SCAMP5: variants seen among roughly 807,000 people sequenced by gnomAD.
SCAMP5 encodes the protein secretory carrier membrane protein 5, also known as secretory carrier-associated membrane protein 5.
Under a neutral mutation model 28.3 loss-of-function variants are expected in SCAMP5, and 7 were observed. The observed-to-expected ratio is 0.25, with a 90% confidence interval of 0.14 to 0.46. The LOEUF is 0.46. Ranked by LOEUF, SCAMP5 falls within the 20% of genes least tolerant of loss-of-function variation. The probability of loss-of-function intolerance (pLI) is 0.99; values close to 1 mark genes in which losing one functional copy is unlikely to be tolerated. For synonymous variants in SCAMP5, 117 were observed against 116.4 expected (o/e 1.00, Z -0.03); for missense variants, 192 against 312.5 (o/e 0.61, Z 2.91).
chr15:75,011,529 C>T (rs2065811640), intron 1 of SCAMP5: 1 of 279,818 alleles, frequency 3.6e-6, no homozygotes, highest in African/African-American at 2.1e-5. Flanking sequence ...GGATCCCCTC[C>T]CAGGTTCCTT....
chr15:75,008,292 C>T (rs1043431932), intron 1 of SCAMP5, among the ~76,000 whole-genome samples: 2 of 151,896 alleles, frequency 1.3e-5, no homozygotes, highest in Non-Finnish European at 2.9e-5. Context: ...GTAGCCCTTC[C>T]GTTATGTAGG....
At chr15:75,006,442 C>T (rs2065760275) in intron 1 of SCAMP5, among the ~76,000 whole-genome samples, 1 of 148,662 alleles carries the variant, frequency 6.7e-6, no homozygotes. Context: ...GGCTTGAGGC[C>T]AGGAGTTCAA....
chr15:75,014,246 C>T (rs2065840180), intron 3 of SCAMP5, among the ~76,000 whole-genome samples: 1 of 152,082 alleles, frequency 6.6e-6, no homozygotes, highest in African/African-American at 2.4e-5. Flanking sequence ...GGCAGACAGA[C>T]TCAGTTTCAA....
intron 2 of SCAMP5, among the ~76,000 whole-genome samples, chr15:75,012,047 T>C (rs979864994): frequency 9.2e-5 from 14 of 152,246 alleles, no homozygotes; most frequent in African/African-American, 3.4e-4. Flanking sequence ...GTCAGATCTT[T>C]GGTCCTATGG....
In SCAMP5 at chr15:75,019,326, T is replaced by G; in HGVS notation, c.*343T>G. 1 of 161,430 alleles carries G rather than the reference T, an allele frequency of 6.2e-6. No homozygotes were observed. The highest frequency in any genetic ancestry group is 1.3e-5 in the Non-Finnish European group (1 of 74,308). The allele number at this position is 161,430 out of a possible 1,614,324, so 10.0% of individuals were successfully genotyped here. On this transcript the variant is annotated 3_prime_UTR_variant, in exon 7 of 7. Transcript: ENST00000425597. Reference sequence around the variant, plus strand: ...CCAGCCCCCACCCCCACCCTCCACCTGCCCCTCTTGCCTCTGGCCCCTCTG... The same window carrying G: ...CCAGCCCCCACCCCCACCCTCCACCGGCCCCTCTTGCCTCTGGCCCCTCTG...
At chr15:75,011,173 T>C (rs1487691524) in intron 1 of SCAMP5, among the ~76,000 whole-genome samples, 1 of 152,058 alleles carries the variant, frequency 6.6e-6, no homozygotes, top group Non-Finnish European at 1.5e-5. Context: ...ACCACTGCAC[T>C]CCAGCCTGGG....
intron 1 of SCAMP5, among the ~76,000 whole-genome samples, chr15:75,006,811 G>A (rs1175837830): frequency 9.9e-5 from 15 of 151,300 alleles, no homozygotes; most frequent in Non-Finnish European, 2.2e-4. Context: ...GTGTGGTGGC[G>A]GGTGCCTGTA....
At position 75,018,335 on chromosome 15, in the gene SCAMP5, A is replaced by T. The variant is rs927973481; in HGVS notation, c.396-83A>T. ...CAGTGATATGTTTCCTCCCTGTGGC[A>T]ATGAGACGGTCCCTTCCTCTAGCGG... On this transcript the variant is annotated intron_variant, in intron 5 of 6. Transcript: ENST00000425597. This position sits in a 1 kb window ranked among gnomAD's most constrained non-coding sequence, Gnocchi z 5.6. 4.5e-5 allele frequency: 38 copies of T among 839,736 alleles called. No individual in the cohort carries two copies. Among genetic ancestry groups the T allele is most frequent in the Non-Finnish European group, 6.7e-5 (32 of 475,562 alleles). The allele number at this position is 839,736 out of a possible 1,614,324, so 52.0% of individuals were successfully genotyped here.
chr15:75,009,907 A>T (rs1014170205), intron 1 of SCAMP5: 1 of 152,256 alleles, frequency 6.6e-6, no homozygotes, highest in Admixed American at 6.5e-5. Context: ...GACCAAGAAC[A>T]GATGCCGGGC....
chr15:75,012,943 C>A, intron 3 of SCAMP5, 138 bp downstream of exon 3: 1 of 787,868 alleles, frequency 1.3e-6, no homozygotes, highest in Non-Finnish European at 2.0e-6. Flanking sequence ...GACCATAAGT[C>A]TTCCCCTGCC....
At chr15:75,003,894 A>G (rs1208587255) in intron 1 of SCAMP5, among the ~76,000 whole-genome samples, 1 of 151,638 alleles carries the variant, frequency 6.6e-6, no homozygotes, top group African/African-American at 2.4e-5. Context: ...CATTTGCTTT[A>G]TCTTTTATTT....
intron 1 of SCAMP5, among the ~76,000 whole-genome samples, chr15:75,004,732 CAAA>C (rs879434866): frequency 2.4e-5 from 3 of 122,480 alleles, no homozygotes; most frequent in Non-Finnish European, 1.7e-5. Flanking sequence ...GACCCTGTCT[CAAA>C]AAAAAAAAAA....
At chr15:75,008,232 A>T (rs986798705) in intron 1 of SCAMP5, among the ~76,000 whole-genome samples, 5 of 152,076 alleles carry the variant, frequency 3.3e-5, no homozygotes, top group African/African-American at 7.2e-5. Context: ...CAAGTATATT[A>T]AAAAAACTTA....
At chr15:75,017,362 A>G (rs2141456110) in intron 4 of SCAMP5, among the ~76,000 whole-genome samples, 2 of 152,324 alleles carry the variant, frequency 1.3e-5, no homozygotes, top group African/African-American at 4.8e-5. Context: ...CCAGTAGAAT[A>G]TCCATCTCAA....
chr15:75,003,345 C>A (rs931283708), intron 1 of SCAMP5, among the ~76,000 whole-genome samples: 2 of 152,208 alleles, frequency 1.3e-5, no homozygotes, highest in African/African-American at 4.8e-5. Flanking sequence ...CTGCTTCCCA[C>A]CTACTCTATA....
chr15:75,010,397 A>G (rs1282324615), intron 1 of SCAMP5, among the ~76,000 whole-genome samples: 1 of 151,574 alleles, frequency 6.6e-6, no homozygotes, highest in Admixed American at 6.6e-5. Context: ...CCTTTCCCCT[A>G]CTCCTTAAAA....
intron 1 of SCAMP5, among the ~76,000 whole-genome samples, chr15:75,007,307 A>G (rs142494674): frequency 2.0e-5 from 3 of 152,332 alleles, no homozygotes; most frequent in Non-Finnish European, 4.4e-5. Flanking sequence ...CCTCTCCTGT[A>G]GTATACGGGC....
chr15:75,016,477 G>C lies in SCAMP5; in HGVS notation c.137-116G>C, dbSNP rs2065860317. The C allele has an allele frequency of 3.2e-6, 3 of 938,134 alleles. No individual in the cohort carries two copies. In the African/African-American group the frequency reaches 4.9e-5, roughly 15 times the overall value. 58.1% of individuals were successfully genotyped at this position (938,134 alleles called of 1,614,324 possible). On this transcript the variant is annotated intron_variant, in intron 3 of 6. Coordinates refer to ENST00000425597, the MANE Select transcript of SCAMP5 (RefSeq NM_138967.4). ...CTTGTCTGCGCTGTTGGCCTGGCTT[G>C]ATTGTGGGTCTCTGTTGCGTTACTG...
At chr15:74,998,468 T>C (rs952474206) in intron 1 of SCAMP5, among the ~76,000 whole-genome samples, 1 of 152,042 alleles carries the variant, frequency 6.6e-6, no homozygotes, top group Non-Finnish European at 1.5e-5. Context: ...TAGCCAGGCA[T>C]GGTGGTGCAC....
Sources: gnomAD v4.1 joint callset for allele counts (sites outside exome capture counted in the v4.1 genomes callset) on GRCh38, gnomAD v4.1.1 for gene constraint, Gnocchi (gnomAD v3.1) non-coding constraint, MANE v1.5 for transcripts, NCBI Gene and HGNC (gene_info 2026-07-23, HGNC 2026-07-21) for gene names.